DYNC2LI1: variants seen among roughly 807,000 people sequenced by gnomAD.
DYNC2LI1 encodes cytoplasmic dynein 2 light intermediate chain 1.
DYNC2LI1 carries 45 observed loss-of-function variants against 51.9 expected under a neutral mutation model. The ratio of observed to expected loss-of-function variants is 0.87; its 90% CI spans 0.68 to 1.11. The LOEUF is 1.11. Ranked by LOEUF, DYNC2LI1 falls within the 50% of genes most tolerant of loss-of-function variation. The pLI is 0.00. For synonymous variants in DYNC2LI1, 130 were observed against 137.8 expected, an observed-to-expected ratio of 0.94 and a Z score of 0.40; for missense variants, 490 against 417.4, an observed-to-expected ratio of 1.17 and a Z score of -1.51.
chr2:43,818,324 A>C, the DYNC2LI1 span, among the ~76,000 whole-genome samples: 1 of 152,144 alleles, frequency 6.6e-6, no homozygotes, highest in African/African-American at 2.4e-5. Context: ...CACACCTGTA[A>C]TCCCAGCTAT....
the DYNC2LI1 span, chr2:43,820,239 G>A: frequency 4.0e-6 from 4 of 995,554 alleles, no homozygotes; most frequent in East Asian, 2.6e-5. Flanking sequence ...CCCTTTGAAA[G>A]GCCGTTTTGG....
the DYNC2LI1 span, among the ~76,000 whole-genome samples, chr2:43,827,325 C>CA: frequency 0.096 from 10,703 of 112,072 alleles, 552 homozygotes; most frequent in African/African-American, 0.17. Flanking sequence ...AACTCTGTCT[C>CA]AAAAAAAAAA....
At chr2:43,828,088 G>C in the DYNC2LI1 span, 41 of 1,614,048 alleles carry the variant, frequency 2.5e-5, no homozygotes, top group Non-Finnish European at 3.3e-5. Context: ...ACATGGCTCA[G>C]ACTCAGCTCT....
intron 3 of DYNC2LI1, among the ~76,000 whole-genome samples, chr2:43,785,422 G>T: frequency 6.6e-6 from 1 of 151,888 alleles, no homozygotes; most frequent in East Asian, 2.0e-4. Flanking sequence ...TAAGTTAAAT[G>T]AGCCAGAAAC....
At chr2:43,822,896 T>C in the DYNC2LI1 span, 2 of 1,614,050 alleles carry the variant, frequency 1.2e-6, no homozygotes, top group Admixed American at 1.7e-5. Context: ...GTAGAGGCCG[T>C]CCTGACTCTC....
intron 5 of DYNC2LI1, chr2:43,792,966 T>C: frequency 1.6e-6 from 1 of 607,966 alleles, no homozygotes; most frequent in South Asian, 3.3e-5. Context: ...TGAACATTGG[T>C]GTACATTATC....
In DYNC2LI1 at chr2:43,787,349, A is replaced by C. The variant is rs1673572748; in HGVS notation, c.231+99A>C. ...TCCATCTCATCTGTAATCAATAAACATACCCAGTTGTACACTTCGTAGCTG... is the reference window on the plus strand; with the variant it reads ...TCCATCTCATCTGTAATCAATAAACCTACCCAGTTGTACACTTCGTAGCTG... On this transcript the variant is annotated intron_variant, in intron 4 of 12. Coordinates refer to ENST00000260605, the MANE Select transcript of DYNC2LI1 (RefSeq NM_016008.4). 2.9e-6 allele frequency: 3 copies of C among 1,024,120 alleles called. No individual in the cohort carries two copies. In the South Asian group the frequency reaches 4.4e-5, roughly 15 times the overall value. 63.4% of individuals were successfully genotyped at this position (1,024,120 alleles called of 1,614,324 possible). A position where few individuals can be genotyped will look rare whatever the true frequency, so the allele number is the denominator to read the frequency against.
the DYNC2LI1 span, among the ~76,000 whole-genome samples, chr2:43,815,910 GAA>G: frequency 3.8e-5 from 4 of 104,064 alleles, no homozygotes; most frequent in Non-Finnish European, 4.2e-5. Context: ...AACAGGAAAA[GAA>G]AAAAAAAAAA....
At position 43,800,642 on chromosome 2, in the gene DYNC2LI1, A is replaced by T. The variant is rs116437378; in HGVS notation, c.655-199A>T. ...CAAGTCCTTTCCACATCATGTACTCATTAAGTTTGAAGAACGAGTTAAAGT... is the reference window on the plus strand; with the variant it reads ...CAAGTCCTTTCCACATCATGTACTCTTTAAGTTTGAAGAACGAGTTAAAGT... On this transcript the variant is annotated intron_variant, in intron 8 of 12. Coordinates refer to ENST00000260605, the MANE Select transcript of DYNC2LI1 (RefSeq NM_016008.4). Among the ~76,000 whole-genome samples the T allele has an allele frequency of 0.012, 1,797 of 152,284 alleles. 15 individuals are homozygous for T. The highest frequency in any genetic ancestry group is 0.018 in the Non-Finnish European group (1,197 of 67,992).
At chr2:43,808,417 C>A (rs1313535160) in intron 12 of DYNC2LI1, among the ~76,000 whole-genome samples, 4 of 152,242 alleles carry the variant, frequency 2.6e-5, no homozygotes, top group Non-Finnish European at 5.9e-5. Flanking sequence ...TTCATAGCAA[C>A]TGTGAACTTC....
chr2:43,801,799 C>G (rs922403082), intron 10 of DYNC2LI1, 90 bp downstream of exon 10: 2 of 914,344 alleles, frequency 2.2e-6, no homozygotes, highest in Non-Finnish European at 3.4e-6. Context: ...CAACATACTC[C>G]TATTTCTGGT....
At chr2:43,820,122 A>G in the DYNC2LI1 span, 1 of 1,609,922 alleles carries the variant, frequency 6.2e-7, no homozygotes, top group Non-Finnish European at 8.5e-7. Flanking sequence ...TAAGCTCTTT[A>G]GTTTCCTCTC....
intron 4 of DYNC2LI1, among the ~76,000 whole-genome samples, chr2:43,787,861 A>G (rs1673597304): frequency 6.6e-6 from 1 of 152,172 alleles, no homozygotes; most frequent in African/African-American, 2.4e-5. Context: ...AGGACAATCT[A>G]GAATGGAGCA....
At chr2:43,822,516 T>C in the DYNC2LI1 span, 2 of 960,410 alleles carry the variant, frequency 2.1e-6, no homozygotes, top group Non-Finnish European at 2.5e-6. Flanking sequence ...TACTTCAGAG[T>C]CCTCTCTTCT....
At chr2:43,801,747 A>G (rs1666085136) in intron 10 of DYNC2LI1, 38 bp downstream of exon 10, 1 of 1,492,484 alleles carries the variant, frequency 6.7e-7, no homozygotes, top group Non-Finnish European at 9.3e-7. Context: ...TCTTTTTTTA[A>G]TTGCTTATTG....
intron 8 of DYNC2LI1, among the ~76,000 whole-genome samples, chr2:43,798,059 C>G (rs1394670819): frequency 6.6e-6 from 1 of 151,428 alleles, no homozygotes; most frequent in African/African-American, 2.4e-5. Context: ...CTCAGGAGGT[C>G]AAGGCTGCAG....
At chr2:43,823,849 T>TTA in the DYNC2LI1 span, 1 of 1,569,810 alleles carries the variant, frequency 6.4e-7, no homozygotes, top group African/African-American at 1.4e-5. Context: ...TTTTGTAAGG[T>TTA]TACAGCTGGA....
rs1666419489 is a variant in DYNC2LI1, at chr2:43,809,871, T to C, written c.*104T>C. Reference sequence around the variant, plus strand: ...AATATGTGAAGAAAGTTAAACTGTATAATTTGTTAAAGGACAAGCTGGATT... The same window carrying C: ...AATATGTGAAGAAAGTTAAACTGTACAATTTGTTAAAGGACAAGCTGGATT... On this transcript the variant is annotated 3_prime_UTR_variant, in exon 13 of 13. Coordinates refer to ENST00000260605, the MANE Select transcript of DYNC2LI1 (RefSeq NM_016008.4). The C allele has an allele frequency of 2.1e-6, 3 of 1,452,970 alleles. No individual in the cohort carries two copies. Among genetic ancestry groups the C allele is most frequent in the East Asian group, 2.6e-5 (1 of 38,184 alleles). The allele number at this position is 1,452,970 out of a possible 1,614,324, so 90.0% of individuals were successfully genotyped here. A position where few individuals can be genotyped will look rare whatever the true frequency, so the allele number is the denominator to read the frequency against.
chr2:43,799,091 G>A (rs138682287), intron 8 of DYNC2LI1, among the ~76,000 whole-genome samples: 1,652 of 152,230 alleles, frequency 0.011, 37 homozygotes, highest in African/African-American at 0.038. Flanking sequence ...GTTGAGGCCA[G>A]AAGTTCAAGA....
Sources: allele counts gnomAD v4.1 joint callset (sites outside exome capture counted in the v4.1 genomes callset), GRCh38; gene constraint gnomAD v4.1.1; transcripts MANE v1.5; gene names NCBI Gene and HGNC (gene_info 2026-07-23, HGNC 2026-07-21).